Variants in PDLIM3 observed in about 807,000 individuals in gnomAD.
PDLIM3 encodes PDZ and LIM domain protein 3.
A neutral mutation model predicts 37.3 loss-of-function variants in PDLIM3; 36 were observed. That is an observed-to-expected ratio of 0.97 (90% CI 0.74 to 1.28). PDLIM3 has a LOEUF of 1.28. Ranked by LOEUF, PDLIM3 falls within the 50% of genes most tolerant of loss-of-function variation. PDLIM3 has a pLI of 0.00. For synonymous variants in PDLIM3, 174 were observed against 182.4 expected, an observed-to-expected ratio of 0.95 and a Z score of 0.37; for missense variants, 454 against 485.0, an observed-to-expected ratio of 0.94 and a Z score of 0.60.
Position 185,502,360 on chromosome 4 carries a change from G to A in PDLIM3, c.1029C>T (p.Thr343=), listed in dbSNP as rs138660243. 9 of 1,614,084 alleles carry A rather than the reference G, an allele frequency of 5.6e-6. No homozygotes were observed. The African/African-American group carries it at 1.2e-4, about 22-fold the overall frequency. Residue 343 remains threonine (T), a synonymous_variant, in exon 8 of 8, where the codon ACC becomes ACT. Transcript: ENST00000284767. ...GGGGCTTTGTGCGGGCTCTTGCGTG[G>A]GTTTCGCAGTACAGCTCCCCTTCTA... ...FFIEGELYCE[T]HARARTKPPE...
intron 5 of PDLIM3, chr4:185,506,871 C>A: frequency 1.9e-6 from 1 of 515,462 alleles, no homozygotes; most frequent in Non-Finnish European, 3.5e-6. Context: ...GGAGTCACAC[C>A]CACACTCCTC....
At position 185,502,308 on chromosome 4, in the gene PDLIM3, A is replaced by G. The variant is rs746412079; in HGVS notation, c.1081T>C (p.Tyr361His). Reference sequence around the variant, plus strand: ...CCTGCAGAGACTTAAGCTTTGGGATACAGAGTGACCGTGTCATAGCCCTCT... The same window carrying G: ...CCTGCAGAGACTTAAGCTTTGGGATGCAGAGTGACCGTGTCATAGCCCTCT... ...PPEGYDTVTL[Y>H]PKA is the part of the protein sequence containing the mutation. Residue 361 changes from tyrosine (Y) to histidine (H), a missense_variant, in exon 8 of 8, where the codon TAT (tyrosine) becomes CAT (histidine). Physicochemically the swap from Tyr to His is moderately conservative, Grantham distance 83. Coordinates refer to ENST00000284767, the MANE Select transcript of PDLIM3 (RefSeq NM_014476.6). 2.2e-5 allele frequency: 35 copies of G among 1,614,114 alleles called. 1 individual carries two copies. The South Asian group carries it at 3.6e-4, about 17-fold the overall frequency.
chr4:185,503,482 C>T (rs2095690888), intron 7 of PDLIM3, among the ~76,000 whole-genome samples: 1 of 152,168 alleles, frequency 6.6e-6, no homozygotes, highest in African/African-American at 2.4e-5. Context: ...TCCCCCACTG[C>T]CTTCTTGGGA....
rs745661778 is a variant in PDLIM3, at chr4:185,514,338, C to T, written c.331-1G>A. 1.2e-5 allele frequency: 19 copies of T among 1,614,210 alleles called. No homozygotes were observed. Among genetic ancestry groups the T allele is most frequent in the Non-Finnish European group, 1.6e-5 (19 of 1,180,050 alleles). On this transcript the variant is annotated splice_acceptor_variant, in intron 3 of 7. Transcript: ENST00000284767. LOFTEE classifies it high-confidence loss of function. This position sits in a 1 kb window ranked among gnomAD's most constrained non-coding sequence, Gnocchi z 4.0. ...GCTTGTGTTCAAAGTAGTTCCCGTC[C>T]TGTGAAAACAAAGCGTTAAAAAGGC...
chr4:185,523,623 C>T (rs559799909), intron 2 of PDLIM3, among the ~76,000 whole-genome samples, 177 bp from the exon 3 acceptor site: 5 of 151,052 alleles, frequency 3.3e-5, no homozygotes, highest in East Asian at 1.9e-4. Flanking sequence ...CTTCCCCCCC[C>T]CTTTTTTTTT....
At chr4:185,524,974 C>T (rs1274769113) in intron 2 of PDLIM3, 46 bp downstream of exon 2, 7 of 1,596,604 alleles carry the variant, frequency 4.4e-6, no homozygotes, top group Middle Eastern at 1.7e-4. Flanking sequence ...GGTTCAGGTT[C>T]TCCTGCAAAA....
chr4:185,502,642 A>G (rs1017865992), intron 7 of PDLIM3, among the ~76,000 whole-genome samples, 159 bp from the exon 8 acceptor site: 2 of 152,176 alleles, frequency 1.3e-5, no homozygotes, highest in African/African-American at 4.8e-5. Context: ...ACTGTATGTA[A>G]TTGTCATGGA....
intron 1 of PDLIM3, among the ~76,000 whole-genome samples, chr4:185,534,969 G>A (rs1561207876): frequency 6.6e-6 from 1 of 152,186 alleles, no homozygotes; most frequent in African/African-American, 2.4e-5. Context: ...CATTTGTTAC[G>A]GAAGGGCGAT....
At position 185,514,750 on chromosome 4, in the gene PDLIM3, A is replaced by G. The variant is rs1280603515; in HGVS notation, c.331-413T>C. ...GACCCCGCAGCTGTCCGTGAAGCGC[A>G]TCTTGTATATTGCTAGTTGAATAGA... On this transcript the variant is annotated intron_variant, in intron 3 of 7. Coordinates refer to ENST00000284767, the MANE Select transcript of PDLIM3 (RefSeq NM_014476.6). The surrounding 1 kb of genome is among the most constrained non-coding windows in gnomAD (Gnocchi z 4.0). 11 of 1,552,154 alleles carry G rather than the reference A, an allele frequency of 7.1e-6. No individual in the cohort carries two copies. The highest frequency in any genetic ancestry group is 2.4e-5 in the East Asian group (1 of 40,930).
chr4:185,504,573 AGCCGGAC>A lies in PDLIM3; in HGVS notation c.800_806del (p.Arg267LeufsTer6). The A allele has an allele frequency of 6.2e-7, 1 of 1,614,038 alleles. No homozygotes were observed. Among genetic ancestry groups the A allele is most frequent in the East Asian group, 2.2e-5 (1 of 44,876 alleles). ...CCGGAGCTCTCACACTCCGCGTTCC[AGCCGGAC>A]GGTCATCTGAAAAACAAAGCGTTTC... On this transcript the variant is annotated frameshift_variant, in exon 7 of 8. Transcript: ENST00000284767. LOFTEE classifies it high-confidence loss of function. This position sits in a 1 kb window ranked among gnomAD's most constrained non-coding sequence, Gnocchi z 4.7.
In PDLIM3 at chr4:185,525,003, C is replaced by T. The variant is rs779912031; in HGVS notation, c.245+17G>A. The T allele has an allele frequency of 1.1e-5, 18 of 1,613,122 alleles. No individual in the cohort carries two copies. The highest frequency in any genetic ancestry group is 1.6e-4 in the Middle Eastern group (1 of 6,080). ...TGCAAAACAGATCAGATTTAAGCAC[C>T]ATTAGTTAAGAAGCACCTGTCAATT... is the stretch of plus-strand genomic sequence containing the variant. On this transcript the variant is annotated intron_variant, in intron 2 of 7. Coordinates refer to ENST00000284767, the MANE Select transcript of PDLIM3 (RefSeq NM_014476.6).
At chr4:185,530,268 C>G (rs755421638) in intron 1 of PDLIM3, among the ~76,000 whole-genome samples, 7 of 152,220 alleles carry the variant, frequency 4.6e-5, no homozygotes, top group Non-Finnish European at 8.8e-5. Context: ...AATTGCATTC[C>G]ATTGCAAACA....
chr4:185,524,018 T>C (rs1005382808), intron 2 of PDLIM3, among the ~76,000 whole-genome samples: 2 of 151,240 alleles, frequency 1.3e-5, no homozygotes, highest in Admixed American at 6.6e-5. Context: ...CTGCAAGGCA[T>C]GTGGGAAACA....
Position 185,506,556 on chromosome 4 carries a change from G to A in PDLIM3, c.759C>T (p.Phe253=). The change falls in exon 6 of 8, where the codon TTC becomes TTT. Residue 253 remains phenylalanine, a synonymous_variant. Coordinates refer to ENST00000284767, the MANE Select transcript of PDLIM3 (RefSeq NM_014476.6). Reference sequence around the variant, plus strand: ...CGTCCACCATTCCCTGGAGCACTCTGAAGGAGCCCGACTGGCGAGGCTGTG... The same window carrying A: ...CGTCCACCATTCCCTGGAGCACTCTAAAGGAGCCCGACTGGCGAGGCTGTG... ...EPTQPRQSGS[F]RVLQGMVDDG... is the part of the protein sequence containing the mutation. 1.2e-6 allele frequency: 2 copies of A among 1,613,634 alleles called. No homozygotes were observed. The highest frequency in any genetic ancestry group is 3.3e-5 in the Admixed American group (2 of 60,030).
chr4:185,513,228 C>T, intron 4 of PDLIM3: 2 of 985,370 alleles, frequency 2.0e-6, no homozygotes, highest in East Asian at 1.1e-4. Flanking sequence ...TTCTCCTGCT[C>T]CTCTGGTCCA....
Position 185,523,370 on chromosome 4 carries a change from C to T in PDLIM3, c.322G>A (p.Glu108Lys). The T allele has an allele frequency of 6.2e-7, 1 of 1,606,864 alleles. No homozygotes were observed. Residue 108 changes from glutamate to lysine, a missense_variant, in exon 3 of 8, where the codon GAA becomes AAA. Glu to Lys is a moderately conservative substitution (Grantham distance 56). Transcript: ENST00000284767. ...AHPFKINLES[E>K]PQDGNYFEHK... ...TGCTCTAAAACGCATACCTGTGGTT[C>T]TGATTCTAAGTTGATTTTGAAAGGA...
chr4:185,506,072 C>T (rs2095696479), intron 6 of PDLIM3, among the ~76,000 whole-genome samples: 1 of 152,204 alleles, frequency 6.6e-6, no homozygotes, highest in African/African-American at 2.4e-5. Context: ...AATAGGCTCA[C>T]CTCCCCAAGT....
intron 7 of PDLIM3, among the ~76,000 whole-genome samples, chr4:185,503,645 G>A (rs1235558437): frequency 2.6e-5 from 4 of 152,188 alleles, no homozygotes; most frequent in Non-Finnish European, 5.9e-5. Context: ...AGCAAGTGTG[G>A]CTATTTAAAC....
intron 6 of PDLIM3, among the ~76,000 whole-genome samples, chr4:185,505,626 G>A (rs200770249): frequency 3.5e-4 from 52 of 147,816 alleles, no homozygotes; most frequent in Non-Finnish European, 3.9e-4. Context: ...TCTCAAAAAA[G>A]AAAAAAAAAA....
Sources: gnomAD v4.1 joint callset for allele counts (sites outside exome capture counted in the v4.1 genomes callset) on GRCh38, gnomAD v4.1.1 for gene constraint, Gnocchi (gnomAD v3.1) non-coding constraint, MANE v1.5 for transcripts, NCBI Gene and HGNC (gene_info 2026-07-23, HGNC 2026-07-21) for gene names.